YPEL2: variants seen among roughly 807,000 people sequenced by gnomAD.
YPEL2 encodes the protein yippee like 2.
Under a neutral mutation model 19.1 loss-of-function variants are expected in YPEL2, and 2 were observed. The observed-to-expected ratio is 0.10, with a 90% CI of 0.04 to 0.33. The LOEUF (loss-of-function observed/expected upper bound fraction) is 0.33, where lower values mean the gene tolerates loss of function less well. Among genes scored for constraint, YPEL2 ranks in the 10% least tolerant of loss-of-function variants. The probability of loss-of-function intolerance (pLI) is 1.00; values close to 1 mark genes in which losing one functional copy is unlikely to be tolerated. For missense variants in YPEL2, 66 were observed against 140.7 expected, an observed-to-expected ratio of 0.47 and a Z score of 2.68; for synonymous variants, 52 against 50.0, an observed-to-expected ratio of 1.04 and a Z score of -0.17.
chr17:59,389,333 ACTCT>A (rs1415798342), intron 3 of YPEL2, 23 bp from the exon 4 acceptor site: 1 of 1,593,706 alleles, frequency 6.3e-7, no homozygotes, highest in African/African-American at 1.3e-5. Flanking sequence ...CTAACTACCC[ACTCT>A]CTCTTCTTGT....
At chr17:59,374,607 C>G (rs1345480692) in intron 2 of YPEL2, among the ~76,000 whole-genome samples, 1 of 152,140 alleles carries the variant, frequency 6.6e-6, no homozygotes, top group Non-Finnish European at 1.5e-5. Flanking sequence ...AGGCCTGGTG[C>G]TTTGATTAAC....
At chr17:59,336,870 G>A (rs1223600209) in intron 1 of YPEL2, among the ~76,000 whole-genome samples, 2 of 152,204 alleles carry the variant, frequency 1.3e-5, no homozygotes, top group Admixed American at 6.5e-5. Flanking sequence ...TTCGCAAGCT[G>A]ACTGCTGCCC....
At chr17:59,388,826 G>A (rs1041250190) in intron 3 of YPEL2, 2 of 197,276 alleles carry the variant, frequency 1.0e-5, no homozygotes, top group African/African-American at 4.7e-5. Flanking sequence ...TCTTCCCTGG[G>A]AAGGGAAGGT....
intron 2 of YPEL2, among the ~76,000 whole-genome samples, chr17:59,383,870 CAGAG>C: frequency 1.3e-5 from 2 of 151,862 alleles, no homozygotes; most frequent in Middle Eastern, 6.8e-3. Context: ...CTCTTTATTA[CAGAG>C]TAGTAGTATA....
chr17:59,373,441 C>T (rs2047906294), intron 2 of YPEL2, among the ~76,000 whole-genome samples: 2 of 152,198 alleles, frequency 1.3e-5, no homozygotes, highest in Admixed American at 6.5e-5. Flanking sequence ...GCTCTCATCT[C>T]CTCCTGTCCC....
chr17:59,362,087 A>G (rs1206053098), intron 2 of YPEL2, among the ~76,000 whole-genome samples: 1 of 152,226 alleles, frequency 6.6e-6, no homozygotes, highest in East Asian at 1.9e-4. Flanking sequence ...AAGTAATGAC[A>G]TGACCAGCAA....
chr17:59,383,320 C>A (rs146433291), intron 2 of YPEL2, among the ~76,000 whole-genome samples: 1 of 151,326 alleles, frequency 6.6e-6, no homozygotes, highest in African/African-American at 2.4e-5. Flanking sequence ...TAGTCTAGGC[C>A]GGGCGTGGTG....
intron 1 of YPEL2, among the ~76,000 whole-genome samples, chr17:59,337,603 T>C (rs1278676265): frequency 6.6e-6 from 1 of 152,214 alleles, no homozygotes; most frequent in Non-Finnish European, 1.5e-5. Flanking sequence ...ATGCTATAAA[T>C]GCTATAAATG....
At chr17:59,362,771 G>A (rs921526738) in intron 2 of YPEL2, 3 of 152,212 alleles carry the variant, frequency 2.0e-5, no homozygotes, top group African/African-American at 7.2e-5. Flanking sequence ...GAAGCAAGGA[G>A]TGGGTGCAGG....
Position 59,389,476 on chromosome 17 carries a change from TA to T in YPEL2, c.270+11del. On this transcript the variant is annotated intron_variant, in intron 4 of 4. Transcript: ENST00000312655. ...ACTCTGGGCTGGAAATACGTAAGTA[TA>T]AAGGAGTTTGGTTGGTAGAGGGCTG... 6.2e-7 allele frequency: 1 copy of T among 1,610,582 alleles called. No homozygotes were observed.
At chr17:59,360,191 C>T (rs1439376057) in intron 2 of YPEL2, among the ~76,000 whole-genome samples, 1 of 152,240 alleles carries the variant, frequency 6.6e-6, no homozygotes, top group Non-Finnish European at 1.5e-5. Flanking sequence ...ATTCTCCTGC[C>T]TCAGCCTCCC....
At chr17:59,352,507 T>C (rs2047792571) in intron 1 of YPEL2, among the ~76,000 whole-genome samples, 1 of 152,210 alleles carries the variant, frequency 6.6e-6, no homozygotes, top group Non-Finnish European at 1.5e-5. Context: ...ACTGTTACTG[T>C]GAATTTTAGA....
chr17:59,346,624 G>A (rs2047757840), intron 1 of YPEL2, among the ~76,000 whole-genome samples: 1 of 152,188 alleles, frequency 6.6e-6, no homozygotes, highest in South Asian at 2.1e-4. Context: ...TCAGTTCAGT[G>A]ATGGTGTTTA....
At chr17:59,362,208 G>A (rs1489496695) in intron 2 of YPEL2, among the ~76,000 whole-genome samples, 1 of 151,976 alleles carries the variant, frequency 6.6e-6, no homozygotes, top group Non-Finnish European at 1.5e-5. Context: ...GTACATGGTG[G>A]TCATTCAGCA....
chr17:59,346,487 C>G (rs949508486), intron 1 of YPEL2, among the ~76,000 whole-genome samples: 2 of 151,964 alleles, frequency 1.3e-5, no homozygotes, highest in African/African-American at 4.8e-5. Context: ...GATGGAGTCT[C>G]GGGACGCAGA....
intron 2 of YPEL2, among the ~76,000 whole-genome samples, chr17:59,387,032 G>A (rs1299627334): frequency 3.3e-5 from 5 of 152,006 alleles, no homozygotes; most frequent in African/African-American, 1.2e-4. Context: ...AGGCCGAGGC[G>A]GGTGGATCAC....
intron 1 of YPEL2, among the ~76,000 whole-genome samples, chr17:59,338,718 A>C (rs1486008253): frequency 6.6e-6 from 1 of 152,138 alleles, no homozygotes; most frequent in African/African-American, 2.4e-5. Flanking sequence ...GACTTCCTTC[A>C]CAGTAAGGGT....
At chr17:59,369,936 C>T (rs948390070) in intron 2 of YPEL2, among the ~76,000 whole-genome samples, 2 of 152,218 alleles carry the variant, frequency 1.3e-5, no homozygotes, top group African/African-American at 2.4e-5. Flanking sequence ...TGTCTTTTGC[C>T]TCAGACTAAT....
intron 2 of YPEL2, chr17:59,355,219 A>G (rs901673837): frequency 6.6e-6 from 1 of 152,220 alleles, no homozygotes; most frequent in Admixed American, 6.5e-5. Context: ...ATGCGGATGA[A>G]GAAGCTGAAA....
Sources: allele counts gnomAD v4.1 joint callset (sites outside exome capture counted in the v4.1 genomes callset), GRCh38; gene constraint gnomAD v4.1.1; transcripts MANE v1.5; gene names NCBI Gene and HGNC (gene_info 2026-07-23, HGNC 2026-07-21).